The following TRPM3 variants were observed in gnomAD, a reference collection of about 807,000 sequenced individuals.
TRPM3 encodes the protein transient receptor potential cation channel subfamily M member 3, also known as long transient receptor potential channel 3.
In TRPM3, 77 loss-of-function variants were observed where a neutral mutation model predicts 181.2. The observed-to-expected ratio is 0.42, with a 90% confidence interval of 0.35 to 0.51. TRPM3 has a LOEUF of 0.51. Among genes scored for constraint, TRPM3 ranks in the 20% least tolerant of loss-of-function variants. The pLI, the probability that TRPM3 is intolerant of heterozygous loss-of-function variation, is 0.01. For synonymous variants in TRPM3, 745 were observed against 796.4 expected (o/e 0.94, Z 1.09); for missense variants, 1,759 against 2,196.7 (o/e 0.80, Z 3.98).
intron 1 of TRPM3, among the ~76,000 whole-genome samples, chr9:71,010,325 C>T (rs1053422576): frequency 6.6e-6 from 1 of 151,902 alleles, no homozygotes; most frequent in African/African-American, 2.4e-5. Flanking sequence ...AGTTGCAAAC[C>T]ATGCATCGGA....
chr9:70,842,027 A>G (rs1173527458), intron 5 of TRPM3, among the ~76,000 whole-genome samples: 1 of 152,102 alleles, frequency 6.6e-6, no homozygotes, highest in African/African-American at 2.4e-5. Context: ...TCAGTATGCA[A>G]TATACATACA....
intron 3 of TRPM3, among the ~76,000 whole-genome samples, chr9:70,860,496 C>T (rs921098757): frequency 6.8e-4 from 104 of 152,136 alleles, no homozygotes; most frequent in Non-Finnish European, 5.0e-4. Flanking sequence ...TTACTATCCT[C>T]ATTTTACAAG....
chr9:71,137,232 AG>A (rs2074822366), intron 1 of TRPM3, among the ~76,000 whole-genome samples: 1 of 152,226 alleles, frequency 6.6e-6, no homozygotes, highest in Non-Finnish European at 1.5e-5. Context: ...ACAAAGAAAA[AG>A]GTACTTCTTC....
At chr9:70,623,278 A>G (rs980720483) in intron 14 of TRPM3, among the ~76,000 whole-genome samples, 1 of 151,672 alleles carries the variant, frequency 6.6e-6, no homozygotes, top group Admixed American at 6.6e-5. Context: ...AGGTAGGAGA[A>G]TTGCTTGAAC....
At chr9:70,676,238 T>A (rs1253203956) in intron 9 of TRPM3, among the ~76,000 whole-genome samples, 1 of 152,230 alleles carries the variant, frequency 6.6e-6, no homozygotes. Flanking sequence ...TTCTCATTTA[T>A]GGAGGACAGT....
At chr9:70,743,880 T>C (rs2074623877) in intron 8 of TRPM3, among the ~76,000 whole-genome samples, 1 of 152,210 alleles carries the variant, frequency 6.6e-6, no homozygotes, top group South Asian at 2.1e-4. Flanking sequence ...ATTACTTTCA[T>C]TAATTTTTCT....
chr9:70,917,225 A>G (rs1448622131), intron 1 of TRPM3: 1 of 1,584,576 alleles, frequency 6.3e-7, no homozygotes, highest in South Asian at 1.1e-5. Flanking sequence ...TGCAAAATAC[A>G]GGGCAATAGC....
At chr9:71,056,134 T>C (rs746152101) in intron 1 of TRPM3, among the ~76,000 whole-genome samples, 3 of 151,874 alleles carry the variant, frequency 2.0e-5, no homozygotes, top group Non-Finnish European at 4.4e-5. Context: ...TCACAACAAG[T>C]TTAAAGCAGT....
chr9:71,122,423 C>T (rs1028791963), upstream of TRPM3, among the ~76,000 whole-genome samples: 11 of 152,206 alleles, frequency 7.2e-5, 1 homozygote, highest in Admixed American at 6.5e-4. Flanking sequence ...AACCCCCCTT[C>T]GGCTCCCATG....
chr9:70,929,794 T>G (rs1284924410), intron 1 of TRPM3, among the ~76,000 whole-genome samples: 1 of 152,156 alleles, frequency 6.6e-6, no homozygotes, highest in Non-Finnish European at 1.5e-5. Flanking sequence ...TTTTTGTTTG[T>G]TTTTACTTTT....
At chr9:71,227,878 T>A (rs545566812) in intron 1 of TRPM3, among the ~76,000 whole-genome samples, 5 of 152,296 alleles carry the variant, frequency 3.3e-5, no homozygotes, top group Non-Finnish European at 5.9e-5. Context: ...TGGGACCCGA[T>A]GACTTCACTA....
In TRPM3 at chr9:71,445,419, A is replaced by C. The variant is rs538216413; in HGVS notation, c.183+1234T>G. 3.8e-4 allele frequency among the ~76,000 whole-genome samples: 58 copies of C among 152,354 alleles called. 1 individual carries two copies. Among genetic ancestry groups the C allele is most frequent in the African/African-American group, 1.3e-3 (55 of 41,580 alleles). On this transcript the variant is annotated intron_variant, in intron 1 of 24. Coordinates refer to the TRPM3 transcript ENST00000357533. ...TTCTAAACAATATTTCTACACCTGA[A>C]GTAAAATCACTTGCCTTTTTAGCGG...
intron 1 of TRPM3, among the ~76,000 whole-genome samples, chr9:70,928,409 C>G (rs1025147664): frequency 2.6e-5 from 4 of 152,170 alleles, no homozygotes; most frequent in Non-Finnish European, 4.4e-5. Context: ...TACAGGTGAT[C>G]TTGACCCTCT....
At position 70,846,478 on chromosome 9, in the gene TRPM3, G is replaced by A; in HGVS notation, c.576C>T (p.Asn192=). 1 of 1,614,146 alleles carries A rather than the reference G, an allele frequency of 6.2e-7. No individual in the cohort carries two copies. The highest frequency in any genetic ancestry group is 8.5e-7 in the Non-Finnish European group (1 of 1,180,012). Reference sequence around the variant, plus strand: ...GCTTGAGTTTTGGCTGGAGTTCAAAGTTCTGCAGGCCCCCATGGACAGAGA... The same window carrying A: ...GCTTGAGTTTTGGCTGGAGTTCAAAATTCTGCAGGCCCCCATGGACAGAGA... The part of the protein sequence containing the change: ...LLISVHGGLQ[N]FELQPKLKQV... The change falls in exon 4 of 26, where the codon AAC becomes AAT. Residue 192 remains asparagine, a synonymous_variant. Coordinates refer to ENST00000677713, the MANE Select transcript of TRPM3 (RefSeq NM_001366145.2).
chr9:71,098,455 T>A (rs370511561), intron 1 of TRPM3, among the ~76,000 whole-genome samples: 3 of 152,192 alleles, frequency 2.0e-5, no homozygotes, highest in Non-Finnish European at 4.4e-5. Flanking sequence ...TTAACATAAC[T>A]ACTTTCACAC....
At chr9:70,982,767 C>T (rs1389031466) in intron 1 of TRPM3, among the ~76,000 whole-genome samples, 2 of 152,184 alleles carry the variant, frequency 1.3e-5, no homozygotes, top group Non-Finnish European at 2.9e-5. Flanking sequence ...GTGGCCCAAT[C>T]TCAGCTCACT....
chr9:70,594,688 A>T (rs1468695135), intron 21 of TRPM3, among the ~76,000 whole-genome samples: 1 of 152,172 alleles, frequency 6.6e-6, no homozygotes, highest in African/African-American at 2.4e-5. Context: ...ATATTATGCA[A>T]AGACTCATAG....
chr9:71,406,980 T>C (rs1038624743), intron 1 of TRPM3, among the ~76,000 whole-genome samples: 2 of 152,186 alleles, frequency 1.3e-5, no homozygotes, highest in African/African-American at 2.4e-5. Context: ...GGACATTCAT[T>C]AAACATGGCC....
At chr9:70,993,969 AG>A (rs774412700) in intron 1 of TRPM3, among the ~76,000 whole-genome samples, 17 of 152,126 alleles carry the variant, frequency 1.1e-4, no homozygotes, top group East Asian at 3.9e-4. Context: ...CATGTCACAG[AG>A]GCATACTGTG....
Sources: gnomAD v4.1 joint callset for allele counts (sites outside exome capture counted in the v4.1 genomes callset) on GRCh38, gnomAD v4.1.1 for gene constraint, MANE v1.5 for transcripts, NCBI Gene and HGNC (gene_info 2026-07-23, HGNC 2026-07-21) for gene names.